CCDC85A: variants seen among roughly 807,000 people sequenced by gnomAD.
CCDC85A encodes the protein coiled-coil domain-containing protein 85A.
In CCDC85A, 38 loss-of-function variants were observed where a neutral mutation model predicts 50.2. The observed-to-expected ratio is 0.76, with a 90% confidence interval of 0.58 to 0.99. CCDC85A has a LOEUF of 0.99. Ranked by LOEUF, CCDC85A falls within the 50% of genes least tolerant of loss-of-function variation. CCDC85A has a pLI of 0.00. For missense variants in CCDC85A, 820 were observed against 742.0 expected (o/e 1.11, Z -1.22); for synonymous variants, 366 against 301.4 (o/e 1.21, Z -2.22).
intron 2 of CCDC85A, among the ~76,000 whole-genome samples, chr2:56,198,698 G>T (rs2103843259): frequency 6.6e-6 from 1 of 152,148 alleles, no homozygotes; most frequent in East Asian, 1.9e-4. Flanking sequence ...TACAGTGTAA[G>T]GTTTTCAACT....
At chr2:56,259,091 C>T (rs1028972329) in intron 2 of CCDC85A, among the ~76,000 whole-genome samples, 5 of 152,086 alleles carry the variant, frequency 3.3e-5, no homozygotes, top group Admixed American at 6.6e-5. Flanking sequence ...TTTCCTGCAG[C>T]GATTGCTAAC....
chr2:56,373,161 G>T (rs1057141951), intron 4 of CCDC85A, among the ~76,000 whole-genome samples: 1 of 152,064 alleles, frequency 6.6e-6, no homozygotes, highest in African/African-American at 2.4e-5. Flanking sequence ...AACATCTGTT[G>T]GAAGTAAACT....
At chr2:56,295,220 G>A (rs1671892317) in intron 2 of CCDC85A, among the ~76,000 whole-genome samples, 1 of 152,112 alleles carries the variant, frequency 6.6e-6, no homozygotes. Context: ...TTCAAAGAAA[G>A]AGGTCAATTC....
chr2:56,241,918 G>A (rs1669274707), intron 2 of CCDC85A, among the ~76,000 whole-genome samples: 2 of 152,134 alleles, frequency 1.3e-5, no homozygotes, highest in Non-Finnish European at 2.9e-5. Context: ...GTTCTTCATA[G>A]TGTTTGAACT....
chr2:56,262,146 G>A (rs1432537174), intron 2 of CCDC85A, among the ~76,000 whole-genome samples: 1 of 152,134 alleles, frequency 6.6e-6, no homozygotes, highest in East Asian at 1.9e-4. Context: ...TGAGAGGTCA[G>A]TGGGAAGATT....
intron 2 of CCDC85A, among the ~76,000 whole-genome samples, chr2:56,333,764 A>T (rs558439298): frequency 1.3e-5 from 2 of 152,256 alleles, no homozygotes; most frequent in East Asian, 3.9e-4. Flanking sequence ...AGAGAGAGGA[A>T]CCACGCATAA....
At chr2:56,304,231 A>G (rs893757151) in intron 2 of CCDC85A, among the ~76,000 whole-genome samples, 4 of 152,150 alleles carry the variant, frequency 2.6e-5, no homozygotes, top group African/African-American at 9.7e-5. Flanking sequence ...TGTAGTTTTA[A>G]TTGGATATAG....
intron 2 of CCDC85A, among the ~76,000 whole-genome samples, chr2:56,216,024 G>C (rs1289111057): frequency 6.6e-6 from 1 of 151,902 alleles, no homozygotes; most frequent in African/African-American, 2.4e-5. Flanking sequence ...TACAGTGGCA[G>C]AGTTGAATAT....
At chr2:56,383,765 C>A (rs1676700924) in intron 5 of CCDC85A, 1 of 983,918 alleles carries the variant, frequency 1.0e-6, no homozygotes, top group African/African-American at 1.7e-5. Flanking sequence ...CCTTCATTTT[C>A]CTCAGCACAT....
chr2:56,185,381 G>T (rs1675973829), intron 1 of CCDC85A, among the ~76,000 whole-genome samples: 1 of 152,216 alleles, frequency 6.6e-6, no homozygotes, highest in African/African-American at 2.4e-5. Context: ...CGGCTGGCGG[G>T]GCGCCCGGGA....
chr2:56,326,981 AC>A (rs1172740505), intron 2 of CCDC85A, among the ~76,000 whole-genome samples: 3 of 152,118 alleles, frequency 2.0e-5, no homozygotes, highest in Non-Finnish European at 2.9e-5. Flanking sequence ...ATATTTAACT[AC>A]CATAATCAGA....
chr2:56,297,537 A>G (rs568511609), intron 2 of CCDC85A, among the ~76,000 whole-genome samples: 1 of 152,180 alleles, frequency 6.6e-6, no homozygotes, highest in Non-Finnish European at 1.5e-5. Context: ...GGCAAGAGTT[A>G]ACTGACTGAA....
At chr2:56,343,956 T>C (rs1471420300) in intron 3 of CCDC85A, among the ~76,000 whole-genome samples, 1 of 152,184 alleles carries the variant, frequency 6.6e-6, no homozygotes, top group Non-Finnish European at 1.5e-5. Context: ...CTACTTTTGC[T>C]CATTAGTGAT....
intron 2 of CCDC85A, among the ~76,000 whole-genome samples, chr2:56,280,433 A>G (rs544642794): frequency 2.0e-5 from 3 of 152,330 alleles, no homozygotes; most frequent in Non-Finnish European, 4.4e-5. Context: ...TGAGATGCTT[A>G]AAGACCCAAG....
At chr2:56,354,109 G>T (rs1477312106) in intron 3 of CCDC85A, among the ~76,000 whole-genome samples, 1 of 152,180 alleles carries the variant, frequency 6.6e-6, no homozygotes, top group African/African-American at 2.4e-5. Context: ...TACAATAAAA[G>T]GAGGCATGAC....
chr2:56,343,007 A>G (rs1319470533), intron 3 of CCDC85A, 52 bp downstream of exon 3: 2 of 1,245,340 alleles, frequency 1.6e-6, no homozygotes, highest in East Asian at 5.1e-5. Flanking sequence ...AAGTTGTAGT[A>G]TTTTATTTGG....
intron 2 of CCDC85A, among the ~76,000 whole-genome samples, chr2:56,218,997 A>G (rs906961893): frequency 1.3e-5 from 2 of 151,658 alleles, no homozygotes; most frequent in African/African-American, 2.4e-5. Context: ...GATGTCTTAC[A>G]AACTGTGAAG....
At position 56,241,018 on chromosome 2, in the gene CCDC85A, A is replaced by G. The variant is rs892214874; in HGVS notation, c.1240+47578A>G. Reference sequence around the variant, plus strand: ...TATATGAGGGTTTCAATTTCTCCATATTATTGCCAGCATTTGCTATTGTCT... The same window carrying G: ...TATATGAGGGTTTCAATTTCTCCATGTTATTGCCAGCATTTGCTATTGTCT... On this transcript the variant is annotated intron_variant, in intron 2 of 5. Coordinates refer to ENST00000407595, the MANE Select transcript of CCDC85A (RefSeq NM_001080433.2). 2.0e-5 allele frequency among the ~76,000 whole-genome samples: 3 copies of G among 152,118 alleles called. No individual in the cohort carries two copies. The East Asian group carries it at 5.8e-4, about 29-fold the overall frequency.
intron 2 of CCDC85A, among the ~76,000 whole-genome samples, chr2:56,250,270 G>A (rs1669695540): frequency 1.3e-5 from 2 of 152,164 alleles, no homozygotes; most frequent in South Asian, 4.1e-4. Flanking sequence ...CCAAGCATGA[G>A]CAATAAAAAT....
Sources: allele counts gnomAD v4.1 joint callset (sites outside exome capture counted in the v4.1 genomes callset), GRCh38; gene constraint gnomAD v4.1.1; transcripts MANE v1.5; gene names NCBI Gene and HGNC (gene_info 2026-07-23, HGNC 2026-07-21).